The following ARID1B variants were observed in gnomAD, a reference collection of about 807,000 sequenced individuals.
ARID1B encodes AT-rich interactive domain-containing protein 1B.
Under a neutral mutation model 212.3 loss-of-function variants are expected in ARID1B, and 30 were observed. That is an observed-to-expected ratio of 0.14 (90% CI 0.11 to 0.19). The LOEUF (loss-of-function observed/expected upper bound fraction) is 0.19, where lower values mean the gene tolerates loss of function less well. Ranked by LOEUF, ARID1B falls within the 10% of genes least tolerant of loss-of-function variation. The pLI is 1.00. For synonymous variants in ARID1B, 1,402 were observed against 1,301.7 expected (o/e 1.08, Z -1.66); for missense variants, 2,891 against 3,204.0 (o/e 0.90, Z 2.36).
At chr6:156,952,224 C>T (rs1793639846) in intron 4 of ARID1B, among the ~76,000 whole-genome samples, 1 of 152,070 alleles carries the variant, frequency 6.6e-6, no homozygotes, top group African/African-American at 2.4e-5. Context: ...ATTGCTGATC[C>T]TTGGGTTTAA....
intron 4 of ARID1B, among the ~76,000 whole-genome samples, chr6:156,948,470 C>T (rs1793332317): frequency 6.6e-6 from 1 of 152,170 alleles, no homozygotes; most frequent in Non-Finnish European, 1.5e-5. Flanking sequence ...GAACTCCTGG[C>T]CTCATGTGGT....
chr6:157,158,674 C>T (rs754015996), intron 8 of ARID1B, among the ~76,000 whole-genome samples: 10 of 152,156 alleles, frequency 6.6e-5, no homozygotes, highest in Non-Finnish European at 1.5e-4. Flanking sequence ...TTCTGTGGCT[C>T]CTCGGCAGCT....
At chr6:157,061,112 T>A (rs1340386383) in intron 4 of ARID1B, among the ~76,000 whole-genome samples, 1 of 152,162 alleles carries the variant, frequency 6.6e-6, no homozygotes, top group African/African-American at 2.4e-5. Flanking sequence ...CAAGACAATC[T>A]TTTTTTCCTG....
At chr6:157,044,622 C>T (rs140960437) in intron 4 of ARID1B, among the ~76,000 whole-genome samples, 60 of 152,272 alleles carry the variant, frequency 3.9e-4, no homozygotes, top group African/African-American at 1.3e-3. Context: ...TGTTAAAAGT[C>T]CATTTGTTTT....
In ARID1B at chr6:156,919,045, A is replaced by G. The variant is rs973692329; in HGVS notation, c.2137-16421A>G. On this transcript the variant is annotated intron_variant, in intron 3 of 19. Coordinates refer to ENST00000636930, the MANE Select transcript of ARID1B (RefSeq NM_001374828.1). ...ATAAAAAAAGTAGAAAAAAAGACCC[A>G]TTGAAGAATGAAGAAAAATAACATT... Among the ~76,000 whole-genome samples, 4 of 152,348 alleles carry G rather than the reference A, an allele frequency of 2.6e-5. No individual in the cohort carries two copies. In the East Asian group the frequency reaches 5.8e-4, roughly 22 times the overall value.
intron 6 of ARID1B, among the ~76,000 whole-genome samples, chr6:157,112,175 AT>A (rs138513348): frequency 0.055 from 8,328 of 152,246 alleles, 347 homozygotes; most frequent in Non-Finnish European, 0.086. Context: ...GATTTTAATA[AT>A]TGTGTGAATA....
At chr6:156,982,824 A>G (rs1467471227) in intron 4 of ARID1B, among the ~76,000 whole-genome samples, 2 of 151,966 alleles carry the variant, frequency 1.3e-5, no homozygotes, top group South Asian at 2.1e-4. Context: ...TGTTTCTTCT[A>G]TTCCTTGCAT....
At chr6:157,124,730 CAT>C (rs1321972821) in intron 6 of ARID1B, among the ~76,000 whole-genome samples, 6 of 151,560 alleles carry the variant, frequency 4.0e-5, no homozygotes, top group Non-Finnish European at 5.9e-5. Context: ...AGTATGTAAA[CAT>C]ATGCACATTG....
intron 1 of ARID1B, among the ~76,000 whole-genome samples, chr6:156,801,926 T>C (rs1780819900): frequency 6.6e-6 from 1 of 152,218 alleles, no homozygotes; most frequent in Non-Finnish European, 1.5e-5. Flanking sequence ...TCGAATTGCT[T>C]TCTCGAAATT....
intron 4 of ARID1B, chr6:156,943,467 C>T (rs1792826811): frequency 6.7e-6 from 1 of 148,230 alleles, no homozygotes; most frequent in African/African-American, 2.5e-5. Context: ...TACTTTTCTT[C>T]ATAATGCATT....
intron 4 of ARID1B, among the ~76,000 whole-genome samples, chr6:156,946,264 C>T (rs527993747): frequency 7.9e-4 from 119 of 151,322 alleles, no homozygotes; most frequent in African/African-American, 2.6e-3. Flanking sequence ...CCCAGCTGCT[C>T]GGGAGGCTGA....
rs114528274 is a variant in ARID1B at position 157,011,582 on chromosome 6, T to A, written c.2248-73080T>A. 8.7e-3 allele frequency among the ~76,000 whole-genome samples: 1,324 copies of A among 152,366 alleles called. 26 individuals carry two copies. The highest frequency in any genetic ancestry group is 0.031 in the African/African-American group (1,279 of 41,578). ...AAAGAATTCTTTCCTTAGAAAGTTA[T>A]GTTTTTATGAACCACGGTCCATGAA... is the stretch of plus-strand genomic sequence containing the variant. On this transcript the variant is annotated intron_variant, in intron 4 of 19. Coordinates refer to ENST00000636930, the MANE Select transcript of ARID1B (RefSeq NM_001374828.1).
At chr6:157,202,576 A>G (rs1794178536) in intron 18 of ARID1B, among the ~76,000 whole-genome samples, 5 of 152,014 alleles carry the variant, frequency 3.3e-5, no homozygotes, top group South Asian at 2.1e-4. Flanking sequence ...AGTCCCAGCT[A>G]TTCAGGAGGC....
chr6:156,937,295 T>G (rs891672773), intron 4 of ARID1B: 1 of 152,162 alleles, frequency 6.6e-6, no homozygotes, highest in African/African-American at 2.4e-5. Context: ...GCTTTTGTGG[T>G]TCTATGAAAT....
intron 4 of ARID1B, among the ~76,000 whole-genome samples, chr6:157,039,282 G>A (rs1306702741): frequency 2.7e-5 from 4 of 148,688 alleles, no homozygotes; most frequent in African/African-American, 9.9e-5. Context: ...CTATACTGAA[G>A]TGTTTATACA....
intron 16 of ARID1B, chr6:157,198,595 C>T: frequency 3.8e-6 from 2 of 531,808 alleles, no homozygotes; most frequent in Non-Finnish European, 3.4e-6. Flanking sequence ...ACAGCCCAAA[C>T]TAGGAGCTTG....
chr6:157,184,373 C>T lies in ARID1B; in HGVS notation c.3857C>T (p.Pro1286Leu), dbSNP rs773317331. The T allele has an allele frequency of 5.0e-6, 8 of 1,614,142 alleles. No homozygotes were observed. Among genetic ancestry groups the T allele is most frequent in the South Asian group, 2.2e-5 (2 of 91,066 alleles). ...AAGATCGAACGTGGGGAGGAGCCCC[C>T]GCCGGAAGTCTTCAGCACCGGGGAC... ...ECKIERGEEP[P>L]PEVFSTGDTK... Residue 1286 changes from proline (P) to leucine (L), a missense_variant, in exon 13 of 20, where the codon CCG (proline) becomes CTG (leucine). Pro to Leu is a moderately conservative substitution (Grantham distance 98, BLOSUM62 -3). Around this residue, in one of 7 missense-constraint regions of ARID1B, gnomAD observed 666 missense variants for 873.5 expected, o/e 0.76. Transcript: ENST00000636930.
intron 3 of ARID1B, among the ~76,000 whole-genome samples, chr6:156,910,716 A>G (rs1402467872): frequency 6.6e-6 from 1 of 152,152 alleles, no homozygotes; most frequent in Non-Finnish European, 1.5e-5. Context: ...ATACTGCTGG[A>G]ACTGGTAGTT....
At chr6:157,004,067 A>G (rs1779062537) in intron 4 of ARID1B, among the ~76,000 whole-genome samples, 1 of 151,872 alleles carries the variant, frequency 6.6e-6, no homozygotes, top group South Asian at 2.1e-4. Context: ...AAAAAACAAT[A>G]CCACCACAAA....
Sources: allele counts gnomAD v4.1 joint callset (sites outside exome capture counted in the v4.1 genomes callset), GRCh38; gene constraint gnomAD v4.1.1; regional missense constraint gnomAD v4.1.1; transcripts MANE v1.5; gene names NCBI Gene and HGNC (gene_info 2026-07-23, HGNC 2026-07-21).